Variants in GPHN observed in about 807,000 individuals in gnomAD.
The protein encoded by GPHN is gephyrin.
A neutral mutation model predicts 95.5 loss-of-function variants in GPHN; 17 were observed. That is an observed-to-expected ratio of 0.18 (90% confidence interval 0.12 to 0.27). GPHN has a LOEUF of 0.27. GPHN is among the 10% of genes least tolerant of loss of function. The pLI is 1.00. For missense variants in GPHN, 660 were observed against 978.1 expected (o/e 0.67, Z 4.34); for synonymous variants, 320 against 322.5 (o/e 0.99, Z 0.08).
rs775164934 is a variant in GPHN at position 66,820,334 on chromosome 14, G to GA, written c.202-4132dup. 1.1e-3 allele frequency among the ~76,000 whole-genome samples: 163 copies of GA among 151,846 alleles called. 1 individual carries two copies. Among genetic ancestry groups the GA allele is most frequent in the Non-Finnish European group, 9.6e-4 (65 of 67,860 alleles). ...CTGTATCAGATCTGGAACTTGCACA[G>GA]AAAAAAAATAGGGGAAGCAAGAAAC... On this transcript the variant is annotated intron_variant, in intron 3 of 22. Transcript: ENST00000478722.
chr14:67,546,644 C>T, the GPHN span, among the ~76,000 whole-genome samples: 2 of 152,228 alleles, frequency 1.3e-5, no homozygotes, highest in African/African-American at 4.8e-5. Flanking sequence ...CCCGCCTCAG[C>T]CTCCCAAAGT....
chr14:67,553,065 A>T, the GPHN span, among the ~76,000 whole-genome samples: 13 of 152,328 alleles, frequency 8.5e-5, no homozygotes, highest in South Asian at 2.5e-3. Context: ...GAGAGGTAAG[A>T]CCCAAGTTTA....
chr14:67,366,104 T>C, the GPHN span, among the ~76,000 whole-genome samples: 1 of 151,380 alleles, frequency 6.6e-6, no homozygotes, highest in Non-Finnish European at 1.5e-5. Flanking sequence ...TTTTTAAGAA[T>C]TGGGGTCTTG....
intron 10 of GPHN, among the ~76,000 whole-genome samples, chr14:67,057,605 T>TA (rs1567271139): frequency 1.3e-5 from 2 of 152,034 alleles, no homozygotes; most frequent in East Asian, 1.9e-4. Flanking sequence ...ATAAGTAAAA[T>TA]AAAAAAATAA....
intron 4 of GPHN, among the ~76,000 whole-genome samples, chr14:66,835,327 A>C (rs2153503113): frequency 6.6e-6 from 1 of 151,104 alleles, no homozygotes; most frequent in Non-Finnish European, 1.5e-5. Context: ...TTGCTTTTCT[A>C]GTTCTTTTAA....
At chr14:66,837,667 A>T (rs906292266) in intron 4 of GPHN, among the ~76,000 whole-genome samples, 5 of 150,990 alleles carry the variant, frequency 3.3e-5, no homozygotes, top group African/African-American at 1.2e-4. Context: ...AAAGACTGTT[A>T]AGTTGAAAGG....
At chr14:67,542,181 G>A in the GPHN span, among the ~76,000 whole-genome samples, 5 of 148,776 alleles carry the variant, frequency 3.4e-5, no homozygotes, top group East Asian at 2.0e-4. Flanking sequence ...TCTTGCTTGC[G>A]TCTTTGCTCG....
chr14:67,678,056 T>C, the GPHN span: 1 of 337,478 alleles, frequency 3.0e-6, no homozygotes, highest in East Asian at 6.4e-5. Flanking sequence ...AAATGAGCTG[T>C]GCAGGTCATA....
chr14:67,217,082 G>T, the GPHN span, among the ~76,000 whole-genome samples: 1 of 152,040 alleles, frequency 6.6e-6, no homozygotes, highest in East Asian at 1.9e-4. Flanking sequence ...ATAAATCTGG[G>T]TGCTCCAGTG....
the GPHN span, among the ~76,000 whole-genome samples, chr14:67,708,331 C>T: frequency 6.6e-6 from 1 of 152,120 alleles, no homozygotes; most frequent in African/African-American, 2.4e-5. Flanking sequence ...TATTCGTGAA[C>T]ACTTCAGCTC....
At chr14:67,110,037 T>G in intron 13 of GPHN, 103 bp from the exon 14 acceptor site, 4 of 1,035,450 alleles carry the variant, frequency 3.9e-6, no homozygotes, top group Middle Eastern at 2.6e-4. Flanking sequence ...TAAGACTTTC[T>G]TTTATGGTTT....
chr14:66,800,270 A>G (rs191502110), intron 3 of GPHN, among the ~76,000 whole-genome samples: 1 of 151,946 alleles, frequency 6.6e-6, no homozygotes, highest in Non-Finnish European at 1.5e-5. Flanking sequence ...AATATTCTGT[A>G]TTTTTCTGTG....
the GPHN span, among the ~76,000 whole-genome samples, chr14:67,604,419 G>A: frequency 1.3e-5 from 2 of 152,174 alleles, no homozygotes; most frequent in African/African-American, 2.4e-5. Context: ...TGTCTTGCGG[G>A]CATGGTGGCT....
intron 1 of GPHN, among the ~76,000 whole-genome samples, chr14:66,575,832 A>C (rs1158213241): frequency 6.6e-6 from 1 of 151,694 alleles, no homozygotes; most frequent in Non-Finnish European, 1.5e-5. Context: ...GGTGTCTGGG[A>C]TCTACTGGAG....
the GPHN span, among the ~76,000 whole-genome samples, chr14:67,636,153 C>CCCTCCT: frequency 6.6e-6 from 1 of 152,102 alleles, no homozygotes; most frequent in Admixed American, 6.5e-5. Context: ...GCTCAGCAGA[C>CCCTCCT]CCTCCTGTGT....
chr14:67,722,010 A>C, the GPHN span, among the ~76,000 whole-genome samples: 2 of 152,116 alleles, frequency 1.3e-5, no homozygotes, highest in Admixed American at 6.5e-5. Flanking sequence ...AAAGCATACG[A>C]CTCAGCAGAT....
the GPHN span, chr14:67,587,098 G>A: frequency 3.5e-5 from 57 of 1,611,480 alleles, no homozygotes; most frequent in Non-Finnish European, 4.4e-5. Flanking sequence ...CTTCATCATG[G>A]CCAGCTATAT....
At chr14:66,946,624 C>T (rs376195951) in intron 8 of GPHN, among the ~76,000 whole-genome samples, 5 of 152,192 alleles carry the variant, frequency 3.3e-5, no homozygotes, top group African/African-American at 9.6e-5. Context: ...AGGCTGGTCT[C>T]GAACTCCTGA....
chr14:66,851,131 T>A (rs984838598), intron 4 of GPHN, among the ~76,000 whole-genome samples: 1 of 151,962 alleles, frequency 6.6e-6, no homozygotes, highest in African/African-American at 2.4e-5. Flanking sequence ...TTGTTGTTTT[T>A]ATTCCTTACC....
Sources: allele counts gnomAD v4.1 joint callset (sites outside exome capture counted in the v4.1 genomes callset), GRCh38; gene constraint gnomAD v4.1.1; transcripts MANE v1.5; gene names NCBI Gene and HGNC (gene_info 2026-07-23, HGNC 2026-07-21).